Variants in GBF1 observed in about 807,000 individuals in gnomAD.
GBF1 encodes golgi brefeldin A resistant guanine nucleotide exchange factor 1, also known as Golgi-specific brefeldin A-resistance guanine nucleotide exchange factor 1.
GBF1 carries 114 observed loss-of-function variants against 210.5 expected under a neutral mutation model. The ratio of observed to expected loss-of-function variants is 0.54; its 90% CI spans 0.47 to 0.63. The LOEUF is 0.63. Among genes scored for constraint, GBF1 ranks in the 30% least tolerant of loss-of-function variants. The pLI, the probability that GBF1 is intolerant of heterozygous loss-of-function variation, is 0.00. For missense variants in GBF1, 1,851 were observed against 2,357.7 expected, an observed-to-expected ratio of 0.79 and a Z score of 4.45; for synonymous variants, 850 against 889.2, an observed-to-expected ratio of 0.96 and a Z score of 0.78.
rs576688207 is a variant in GBF1 at position 102,369,711 on chromosome 10, G to A, written c.3151G>A (p.Val1051Ile). The A allele has an allele frequency of 6.2e-7, 1 of 1,613,704 alleles. No homozygotes were observed. The highest frequency in any genetic ancestry group is 1.7e-5 in the Admixed American group (1 of 60,000). ...AQLLPKAMIEVEDFVDPNGKI... is the reference protein window; with the variant it reads ...AQLLPKAMIEIEDFVDPNGKI... Reference sequence around the variant, plus strand: ...AAATTATTTTGACTTACTTTTCCAGGTAGAAGATTTCGTGGATCCCAATGG... The same window carrying A: ...AAATTATTTTGACTTACTTTTCCAGATAGAAGATTTCGTGGATCCCAATGG... Residue 1051 changes from valine to isoleucine, a missense_variant and splice_region_variant, in exon 25 of 40, where the codon GTA (valine) becomes ATA (isoleucine). Around this residue, in one of 3 missense-constraint regions of GBF1, gnomAD observed 967 missense variants for 1,247.7 expected, o/e 0.78. Transcript: ENST00000369983.
Position 102,358,489 on chromosome 10 carries a change from C to G in GBF1, c.788-17C>G, listed in dbSNP as rs1288061401. 1.3e-6 allele frequency: 2 copies of G among 1,576,210 alleles called. No individual in the cohort carries two copies. The highest frequency in any genetic ancestry group is 8.7e-7 in the Non-Finnish European group (1 of 1,145,670). ...CCTCTTTCTTCTCCTTCAAGCGTCA[C>G]ATACTTTTCTTGGCAGGTGGCATGC... On this transcript the variant is annotated splice_polypyrimidine_tract_variant and intron_variant, in intron 9 of 39. Coordinates refer to ENST00000369983, the MANE Select transcript of GBF1 (RefSeq NM_001377137.1).
rs1326375994 is a variant in GBF1, at chr10:102,366,138, A to T, written c.2310-245A>T. 6.6e-6 allele frequency among the ~76,000 whole-genome samples: 1 copy of T among 152,154 alleles called. No individual in the cohort carries two copies. Among genetic ancestry groups the T allele is most frequent in the East Asian group, 1.9e-4 (1 of 5,202 alleles). ...GTTTGGGGAGCCCCCTCCATTCTGC[A>T]TGGAGTCCATTCCAAAGGGGTAGAG... On this transcript the variant is annotated intron_variant, in intron 18 of 39. Coordinates refer to ENST00000369983, the MANE Select transcript of GBF1 (RefSeq NM_001377137.1). The surrounding 1 kb of genome is among the most constrained non-coding windows in gnomAD (Gnocchi z 4.0).
intron 26 of GBF1, 41 bp from the exon 27 acceptor site, chr10:102,370,133 A>G (rs189049049): frequency 9.7e-5 from 149 of 1,542,342 alleles, no homozygotes; most frequent in Admixed American, 5.5e-4. Flanking sequence ...TGTTCTCTTC[A>G]GCCTTTGTCA....
chr10:102,301,781 C>T (rs892340609), intron 3 of GBF1, among the ~76,000 whole-genome samples: 3 of 148,952 alleles, frequency 2.0e-5, no homozygotes, highest in African/African-American at 7.5e-5. Context: ...ACTTCCCAGA[C>T]TGGGCAGCTG....
intron 3 of GBF1, among the ~76,000 whole-genome samples, chr10:102,280,961 T>G (rs1229199943): frequency 1.3e-5 from 2 of 152,192 alleles, no homozygotes; most frequent in African/African-American, 4.8e-5. Flanking sequence ...TGCTTTCTTC[T>G]TTTTCTTTTT....
In GBF1 at chr10:102,363,171, T is replaced by C; in HGVS notation, c.1877-85T>C. ...CCCTGTGCAGGAACCATGCAGGTCT[T>C]CTGGGCTTGGGATTTGATCTATCCT... On this transcript the variant is annotated intron_variant, in intron 15 of 39. Coordinates refer to ENST00000369983, the MANE Select transcript of GBF1 (RefSeq NM_001377137.1). This position sits in a 1 kb window ranked among gnomAD's most constrained non-coding sequence, Gnocchi z 4.2. 1 of 1,318,718 alleles carries C rather than the reference T, an allele frequency of 7.6e-7. No individual in the cohort carries two copies. The highest frequency in any genetic ancestry group is 1.5e-5 in the African/African-American group (1 of 68,244). The allele number at this position is 1,318,718 out of a possible 1,614,324, so 81.7% of individuals were successfully genotyped here.
At chr10:102,373,375 G>A (rs1430093657) in intron 29 of GBF1, among the ~76,000 whole-genome samples, 1 of 152,204 alleles carries the variant, frequency 6.6e-6, no homozygotes, top group Non-Finnish European at 1.5e-5. Context: ...AGGAGTTTGA[G>A]CCCAGCCTGG....
intron 8 of GBF1, among the ~76,000 whole-genome samples, chr10:102,355,640 G>A (rs560771190): frequency 1.5e-3 from 227 of 152,322 alleles, no homozygotes; most frequent in Non-Finnish European, 2.4e-3. Flanking sequence ...GATAGAGAAG[G>A]AAACGTGAAA....
intron 9 of GBF1, 22 bp from the exon 10 acceptor site, chr10:102,358,484 C>T (rs777068534): frequency 3.8e-5 from 59 of 1,541,582 alleles, no homozygotes; most frequent in East Asian, 4.5e-5. Flanking sequence ...CTCCTTCAAG[C>T]GTCACATACT....
intron 4 of GBF1, among the ~76,000 whole-genome samples, chr10:102,344,465 GGTTTGTTT>G (rs10635573): frequency 2.4e-3 from 362 of 150,592 alleles, no homozygotes; most frequent in African/African-American, 8.3e-3. Flanking sequence ...AGTTTGGTTA[GGTTTGTTT>G]GTTTGTTTGT....
chr10:102,378,033 C>T (rs2060611462), intron 33 of GBF1, among the ~76,000 whole-genome samples: 1 of 150,042 alleles, frequency 6.7e-6, no homozygotes, highest in Admixed American at 6.7e-5. Flanking sequence ...CCCTGGCTAA[C>T]ACGGTGAAAC....
At chr10:102,302,308 A>G (rs370818725) in intron 3 of GBF1, among the ~76,000 whole-genome samples, 20 of 152,288 alleles carry the variant, frequency 1.3e-4, no homozygotes, top group Admixed American at 4.6e-4. Context: ...AAAAATCATC[A>G]TATAGTACGT....
At chr10:102,358,224 G>A (rs1190816270) in intron 9 of GBF1, 38 bp downstream of exon 9, 1 of 1,565,352 alleles carries the variant, frequency 6.4e-7, no homozygotes, top group Non-Finnish European at 8.7e-7. Flanking sequence ...TTAGACAAAA[G>A]AAGAGCTCCT....
At position 102,380,152 on chromosome 10, in the gene GBF1, T is replaced by C. The variant is rs552056568; in HGVS notation, c.4879-97T>C. ...GATTCCTCCATCTCTGATCTAAGAT[T>C]CTCATGCAAGATAGGACAGGCTTAG... is the stretch of plus-strand genomic sequence containing the variant. On this transcript the variant is annotated intron_variant, in intron 36 of 39. Coordinates refer to ENST00000369983, the MANE Select transcript of GBF1 (RefSeq NM_001377137.1). 46 of 833,166 alleles carry C rather than the reference T, an allele frequency of 5.5e-5. No homozygotes were observed. The East Asian group carries it at 9.9e-4, about 18-fold the overall frequency. The allele number at this position is 833,166 out of a possible 1,614,324, so 51.6% of individuals were successfully genotyped here.
intron 3 of GBF1, among the ~76,000 whole-genome samples, chr10:102,315,294 G>A (rs569869413): frequency 3.3e-5 from 5 of 152,282 alleles, no homozygotes; most frequent in Admixed American, 1.3e-4. Flanking sequence ...GGAGGTAAGT[G>A]GTGGGCGAGC....
chr10:102,359,756 GAAAA>G (rs762232089), intron 11 of GBF1, among the ~76,000 whole-genome samples: 177 of 134,612 alleles, frequency 1.3e-3, no homozygotes, highest in Non-Finnish European at 2.5e-3. Flanking sequence ...ATGTCCCCAG[GAAAA>G]AAAAAAAAAT....
chr10:102,327,201 T>A (rs531460732), intron 3 of GBF1, among the ~76,000 whole-genome samples: 1 of 152,312 alleles, frequency 6.6e-6, no homozygotes, highest in South Asian at 2.1e-4. Context: ...AAGTGTCCGA[T>A]TCAGGCCACT....
chr10:102,362,798 T>G, intron 15 of GBF1, 134 bp downstream of exon 15: 1 of 655,394 alleles, frequency 1.5e-6, no homozygotes, highest in Non-Finnish European at 2.6e-6. Flanking sequence ...TTTGGCAGTT[T>G]AAATCACAGG....
intron 1 of GBF1, among the ~76,000 whole-genome samples, chr10:102,249,943 G>T (rs977010387): frequency 6.6e-6 from 1 of 152,098 alleles, no homozygotes; most frequent in Non-Finnish European, 1.5e-5. Flanking sequence ...GCCCACCTCG[G>T]CCTCCCAAAG....
Sources: gnomAD v4.1 joint callset for allele counts (sites outside exome capture counted in the v4.1 genomes callset) on GRCh38, gnomAD v4.1.1 for gene constraint, gnomAD v4.1.1 regional missense constraint, Gnocchi (gnomAD v3.1) non-coding constraint, MANE v1.5 for transcripts, NCBI Gene and HGNC (gene_info 2026-07-23, HGNC 2026-07-21) for gene names.